Variants in RBKS observed in about 807,000 individuals in gnomAD.
RBKS encodes ribokinase.
In RBKS, 33 loss-of-function variants were observed where a neutral mutation model predicts 33.9. The ratio of observed to expected loss-of-function variants is 0.97; its 90% CI spans 0.74 to 1.30. The LOEUF is 1.30. RBKS is among the 50% of genes most tolerant of loss of function. The pLI is 0.00. For missense variants in RBKS, 361 were observed against 392.6 expected (o/e 0.92, Z 0.68); for synonymous variants, 125 against 143.0 (o/e 0.87, Z 0.90).
chr2:27,804,568 A>G (rs1231293717), intron 7 of RBKS, among the ~76,000 whole-genome samples: 2 of 152,334 alleles, frequency 1.3e-5, no homozygotes, highest in South Asian at 4.1e-4. Flanking sequence ...CCTAATCTCG[A>G]TTTTAGCTGG....
At chr2:27,798,385 T>C (rs998785304) in intron 7 of RBKS, among the ~76,000 whole-genome samples, 1 of 152,282 alleles carries the variant, frequency 6.6e-6, no homozygotes, top group South Asian at 2.1e-4. Flanking sequence ...TGCCTTAACA[T>C]GGACCTCTTC....
chr2:27,849,161 G>T (rs1663683360), intron 2 of RBKS, among the ~76,000 whole-genome samples: 1 of 152,090 alleles, frequency 6.6e-6, no homozygotes, highest in Admixed American at 6.5e-5. Context: ...CTACCACTGG[G>T]CTTTTCAGTT....
In RBKS at chr2:27,843,057, G is replaced by A; in HGVS notation, c.514+10C>T. ...CTTTTATAGAAAGAATGACAAATAT[G>A]TATAATTACCTCCACTCCTGCGGGC... is the stretch of plus-strand genomic sequence containing the variant. On this transcript the variant is annotated intron_variant, in intron 5 of 7. Transcript: ENST00000302188. 1.9e-6 allele frequency: 3 copies of A among 1,556,324 alleles called. No individual in the cohort carries two copies. The highest frequency in any genetic ancestry group is 2.6e-6 in the Non-Finnish European group (3 of 1,150,924).
intron 7 of RBKS, among the ~76,000 whole-genome samples, chr2:27,823,409 A>G (rs965399409): frequency 3.2e-4 from 49 of 152,334 alleles, no homozygotes; most frequent in Admixed American, 2.5e-3. Context: ...AGTGGACAAC[A>G]TGCCAACTAA....
intron 2 of RBKS, among the ~76,000 whole-genome samples, 179 bp downstream of exon 2, chr2:27,858,260 G>T (rs1298102615): frequency 6.6e-6 from 1 of 152,210 alleles, no homozygotes; most frequent in Admixed American, 6.5e-5. Context: ...GTTTTGGAAT[G>T]ATGGTAAAGT....
chr2:27,824,753 T>G (rs1351310529), intron 7 of RBKS, among the ~76,000 whole-genome samples: 1 of 152,214 alleles, frequency 6.6e-6, no homozygotes, highest in Non-Finnish European at 1.5e-5. Context: ...CATTCCCATT[T>G]TCATGAGGCA....
At chr2:27,796,780 GA>G (rs1334397759) in intron 7 of RBKS, among the ~76,000 whole-genome samples, 2 of 152,182 alleles carry the variant, frequency 1.3e-5, no homozygotes, top group Non-Finnish European at 2.9e-5. Flanking sequence ...GCAGCGCCTG[GA>G]GCTGGGTATG....
intron 1 of RBKS, among the ~76,000 whole-genome samples, chr2:27,879,754 T>A (rs781706682): frequency 2.6e-4 from 40 of 152,132 alleles, no homozygotes; most frequent in Non-Finnish European, 5.3e-4. Context: ...ATGGATAAAT[T>A]CCTGGACACA....
chr2:27,829,446 G>A (rs1315108455), intron 6 of RBKS, among the ~76,000 whole-genome samples: 1 of 140,284 alleles, frequency 7.1e-6, no homozygotes, highest in African/African-American at 2.7e-5. Context: ...TCGGCTCACT[G>A]CAACCTGTGC....
chr2:27,841,447 G>A (rs935487522), intron 5 of RBKS, among the ~76,000 whole-genome samples: 2 of 152,108 alleles, frequency 1.3e-5, no homozygotes, highest in Admixed American at 6.6e-5. Flanking sequence ...AGATGGGCAC[G>A]GTGCAGAGAA....
chr2:27,851,565 T>A (rs1040726666), intron 2 of RBKS, among the ~76,000 whole-genome samples: 9 of 151,938 alleles, frequency 5.9e-5, no homozygotes, highest in Admixed American at 5.3e-4. Context: ...TGAGACGGAG[T>A]TTCGCTCTTG....
intron 1 of RBKS, among the ~76,000 whole-genome samples, chr2:27,862,374 GTTAT>G (rs1664009379): frequency 6.6e-6 from 1 of 152,146 alleles, no homozygotes; most frequent in African/African-American, 2.4e-5. Context: ...AAGTTTGTGT[GTTAT>G]TTTATATTCT....
At chr2:27,807,033 C>A (rs1369926978) in intron 7 of RBKS, among the ~76,000 whole-genome samples, 1 of 152,202 alleles carries the variant, frequency 6.6e-6, no homozygotes, top group Admixed American at 6.5e-5. Flanking sequence ...GGGAACTCCA[C>A]CATTGGCCAA....
intron 2 of RBKS, among the ~76,000 whole-genome samples, chr2:27,850,736 C>CGGA (rs1663730500): frequency 6.6e-6 from 1 of 152,212 alleles, no homozygotes; most frequent in Non-Finnish European, 1.5e-5. Flanking sequence ...TAAAGGATGT[C>CGGA]TTCCAAGTTT....
intron 7 of RBKS, among the ~76,000 whole-genome samples, chr2:27,785,367 C>CAAAT (rs1361009440): frequency 6.6e-6 from 1 of 151,984 alleles, no homozygotes; most frequent in Non-Finnish European, 1.5e-5. Flanking sequence ...AGGAAAAAGA[C>CAAAT]AAATGTAGGA....
chr2:27,888,057 A>T (rs1448733184), intron 1 of RBKS, among the ~76,000 whole-genome samples: 1 of 152,162 alleles, frequency 6.6e-6, no homozygotes, highest in African/African-American at 2.4e-5. Context: ...CAGTTTGGTA[A>T]CAAGGAAGTA....
chr2:27,816,313 G>A (rs1027212962), intron 7 of RBKS, among the ~76,000 whole-genome samples: 1 of 152,190 alleles, frequency 6.6e-6, no homozygotes, highest in Non-Finnish European at 1.5e-5. Flanking sequence ...GGCCCCCTGG[G>A]CATGACAGAT....
At chr2:27,864,032 CT>C (rs75297605) in intron 1 of RBKS, among the ~76,000 whole-genome samples, 3 of 149,292 alleles carry the variant, frequency 2.0e-5, no homozygotes, top group Admixed American at 6.7e-5. Context: ...TAACCCATAT[CT>C]TTTTTTTTTA....
chr2:27,830,921 C>T (rs1193952578), intron 6 of RBKS, among the ~76,000 whole-genome samples: 1 of 152,160 alleles, frequency 6.6e-6, no homozygotes, highest in Admixed American at 6.5e-5. Flanking sequence ...GAAGCTGGAT[C>T]TTGAAACCCA....
Sources: allele counts gnomAD v4.1 joint callset (sites outside exome capture counted in the v4.1 genomes callset), GRCh38; gene constraint gnomAD v4.1.1; transcripts MANE v1.5; gene names NCBI Gene and HGNC (gene_info 2026-07-23, HGNC 2026-07-21).